PTPRT: variants seen among roughly 807,000 people sequenced by gnomAD.
PTPRT encodes receptor-type tyrosine-protein phosphatase T.
In PTPRT, 56 loss-of-function variants were observed where a neutral mutation model predicts 176.8. That is an observed-to-expected ratio of 0.32 (90% confidence interval 0.26 to 0.40). The LOEUF is 0.40. Among genes scored for constraint, PTPRT ranks in the 10% least tolerant of loss-of-function variants. The pLI, the probability that PTPRT is intolerant of heterozygous loss-of-function variation, is 1.00. For synonymous variants in PTPRT, 783 were observed against 739.0 expected (o/e 1.06, Z -0.96); for missense variants, 1,540 against 1,908.2 (o/e 0.81, Z 3.60).
chr20:42,112,848 G>A (rs6093569), intron 22 of PTPRT, among the ~76,000 whole-genome samples: 1 of 152,230 alleles, frequency 6.6e-6, no homozygotes, highest in Admixed American at 6.5e-5. Flanking sequence ...ATGCCCAGAT[G>A]AAGGCAGTGA....
chr20:42,687,522 T>C (rs1402716734), intron 6 of PTPRT: 3 of 152,230 alleles, frequency 2.0e-5, no homozygotes, highest in East Asian at 1.9e-4. Flanking sequence ...GTAAACATTC[T>C]AGAAGAGCCT....
At chr20:42,593,636 A>T (rs928841630) in intron 7 of PTPRT, among the ~76,000 whole-genome samples, 7 of 152,202 alleles carry the variant, frequency 4.6e-5, no homozygotes, top group Non-Finnish European at 2.9e-5. Context: ...GTTGCTTGGA[A>T]TCACATTAAG....
intron 16 of PTPRT, among the ~76,000 whole-genome samples, chr20:42,191,601 C>A (rs6072647): frequency 3.3e-5 from 5 of 152,106 alleles, no homozygotes; most frequent in Non-Finnish European, 7.3e-5. Context: ...ACTGTTTAGC[C>A]TGAGGGAAGG....
chr20:42,169,783 CACACACACAA>C lies in PTPRT; in HGVS notation c.2492-8251_2492-8242del, dbSNP rs375583265. On this transcript the variant is annotated intron_variant, in intron 16 of 30. Coordinates refer to ENST00000373187, the MANE Select transcript of PTPRT (RefSeq NM_007050.6). Reference sequence around the variant, plus strand: ...ACACACACACACACACACACACACACACACACACAACAGTCAGTATTGACTGTTGACCCAA... The same window carrying C: ...ACACACACACACACACACACACACACCAGTCAGTATTGACTGTTGACCCAA... Among the ~76,000 whole-genome samples, 1,162 of 144,140 alleles carry C rather than the reference CACACACACAA, an allele frequency of 8.1e-3. 24 individuals are homozygous for C. The highest frequency in any genetic ancestry group is 0.026 in the African/African-American group (967 of 37,434). The allele number at this position is 144,140 out of a possible 152,430, so 94.6% of individuals were successfully genotyped here.
At chr20:42,381,651 G>C (rs2058699354) in intron 9 of PTPRT, among the ~76,000 whole-genome samples, 1 of 152,144 alleles carries the variant, frequency 6.6e-6, no homozygotes, top group Non-Finnish European at 1.5e-5. Context: ...GAAAGGAAGG[G>C]AAGGAGGAGT....
chr20:43,091,593 A>G (rs1033902456), intron 1 of PTPRT, among the ~76,000 whole-genome samples: 1 of 151,642 alleles, frequency 6.6e-6, no homozygotes, highest in African/African-American at 2.4e-5. Flanking sequence ...TGAAAAAGAG[A>G]TTTTTTCAGC....
intron 1 of PTPRT, among the ~76,000 whole-genome samples, chr20:42,962,951 C>T (rs1302698588): frequency 1.3e-5 from 2 of 152,128 alleles, no homozygotes; most frequent in African/African-American, 4.8e-5. Context: ...GTAATCCCAG[C>T]ACTTTGGGAG....
intron 2 of PTPRT, among the ~76,000 whole-genome samples, chr20:42,819,497 T>A (rs982817354): frequency 6.6e-6 from 1 of 152,130 alleles, no homozygotes; most frequent in Admixed American, 6.5e-5. Context: ...CATCAACTAG[T>A]GTGCAAAATA....
chr20:42,388,444 C>A (rs527857107), intron 9 of PTPRT, among the ~76,000 whole-genome samples: 11 of 152,282 alleles, frequency 7.2e-5, no homozygotes, highest in South Asian at 2.1e-4. Context: ...AAACAAACAA[C>A]CCCATCAAAA....
rs147856359 is a variant in PTPRT at position 42,736,569 on chromosome 20, A to T, written c.859+19893T>A. Among the ~76,000 whole-genome samples, 702 of 152,298 alleles carry T rather than the reference A, an allele frequency of 4.6e-3. 6 individuals carry two copies. Among genetic ancestry groups the T allele is most frequent in the African/African-American group, 0.016 (680 of 41,564 alleles). On this transcript the variant is annotated intron_variant, in intron 6 of 30. Transcript: ENST00000373187. ...CTAATGAACTTGGCATGTTTGCTAT[A>T]CATGTGTAGTTTCAAGAAGTCACCT... is the stretch of plus-strand genomic sequence containing the variant.
chr20:42,765,585 T>C (rs966106896), intron 5 of PTPRT, among the ~76,000 whole-genome samples: 1 of 152,090 alleles, frequency 6.6e-6, no homozygotes, highest in African/African-American at 2.4e-5. Flanking sequence ...CAGAAAAGAA[T>C]AGCGATGAAA....
chr20:42,997,507 C>A (rs1185872665), intron 1 of PTPRT, among the ~76,000 whole-genome samples: 1 of 152,138 alleles, frequency 6.6e-6, no homozygotes, highest in Non-Finnish European at 1.5e-5. Context: ...GGAAGTGAGC[C>A]ATTTTCCAGC....
intron 7 of PTPRT, among the ~76,000 whole-genome samples, chr20:42,578,882 T>A (rs976420057): frequency 2.3e-4 from 33 of 143,572 alleles, no homozygotes; most frequent in African/African-American, 8.3e-4. Context: ...GGCCTTTGAG[T>A]CTTGCAAGTT....
At chr20:42,597,272 T>C (rs999521425) in intron 7 of PTPRT, among the ~76,000 whole-genome samples, 4 of 152,216 alleles carry the variant, frequency 2.6e-5, no homozygotes, top group African/African-American at 7.2e-5. Flanking sequence ...ATTAACTCTG[T>C]TGATTAAAGT....
At chr20:42,962,730 C>T (rs1057390484) in intron 1 of PTPRT, among the ~76,000 whole-genome samples, 3 of 152,186 alleles carry the variant, frequency 2.0e-5, no homozygotes, top group Admixed American at 6.5e-5. Flanking sequence ...TACAGAAACA[C>T]TACCACCACC....
intron 1 of PTPRT, among the ~76,000 whole-genome samples, chr20:43,015,383 C>G (rs1985319495): frequency 6.6e-6 from 1 of 152,216 alleles, no homozygotes; most frequent in Non-Finnish European, 1.5e-5. Context: ...TAACTCCATT[C>G]TTTGTGCTTT....
intron 2 of PTPRT, among the ~76,000 whole-genome samples, chr20:42,808,544 T>C (rs1342775440): frequency 1.3e-5 from 2 of 152,132 alleles, no homozygotes; most frequent in Non-Finnish European, 2.9e-5. Context: ...AAGCAAGTCC[T>C]TGATAGTCAA....
Position 42,858,113 on chromosome 20 carries a change from C to T in PTPRT, c.214+27694G>A, listed in dbSNP as rs190819860. 1.4e-3 allele frequency among the ~76,000 whole-genome samples: 220 copies of T among 152,234 alleles called. 2 individuals are homozygous for T. Among genetic ancestry groups the T allele is most frequent in the African/African-American group, 5.1e-3 (211 of 41,558 alleles). On this transcript the variant is annotated intron_variant, in intron 2 of 30. Transcript: ENST00000373187. ...TTCCATAGAGTCAATCATGGATCTG[C>T]CTACCTGTCTACCTATTAGACCCAA...
intron 4 of PTPRT, among the ~76,000 whole-genome samples, chr20:42,774,748 T>C (rs891103094): frequency 5.3e-5 from 8 of 152,130 alleles, no homozygotes; most frequent in Non-Finnish European, 7.4e-5. Context: ...CGAGTACAGT[T>C]CCCAGCACAG....
Sources: gnomAD v4.1 joint callset for allele counts (sites outside exome capture counted in the v4.1 genomes callset) on GRCh38, gnomAD v4.1.1 for gene constraint, MANE v1.5 for transcripts, NCBI Gene and HGNC (gene_info 2026-07-23, HGNC 2026-07-21) for gene names.